ATF7IP2: variants seen among roughly 807,000 people sequenced by gnomAD.
ATF7IP2 encodes the protein activating transcription factor 7 interacting protein 2, also known as activating transcription factor 7-interacting protein 2.
A neutral mutation model predicts 64.2 loss-of-function variants in ATF7IP2; 42 were observed. The observed-to-expected ratio is 0.65, with a 90% CI of 0.51 to 0.85. ATF7IP2 has a LOEUF of 0.85. ATF7IP2 is among the 40% of genes least tolerant of loss of function. The probability of loss-of-function intolerance (pLI) is 0.00; values close to 1 mark genes in which losing one functional copy is unlikely to be tolerated. For missense variants in ATF7IP2, 933 were observed against 784.2 expected, an observed-to-expected ratio of 1.19 and a Z score of -2.27; for synonymous variants, 308 against 272.8, an observed-to-expected ratio of 1.13 and a Z score of -1.27.
chr16:10,475,420 G>T (rs555971356), intron 12 of ATF7IP2, among the ~76,000 whole-genome samples: 1 of 152,076 alleles, frequency 6.6e-6, no homozygotes, highest in Admixed American at 6.5e-5. Context: ...GGCTGGGCGC[G>T]GTGGCTCACG....
intron 12 of ATF7IP2, among the ~76,000 whole-genome samples, 155 bp downstream of exon 12, chr16:10,474,144 TGCC>T (rs1291993337): frequency 6.6e-6 from 1 of 152,220 alleles, no homozygotes; most frequent in Non-Finnish European, 1.5e-5. Context: ...TTCATGTAAC[TGCC>T]GTCACAGTGA....
At chr16:10,416,840 A>G (rs778235525) in intron 2 of ATF7IP2, among the ~76,000 whole-genome samples, 1 of 152,218 alleles carries the variant, frequency 6.6e-6, no homozygotes, top group Non-Finnish European at 1.5e-5. Context: ...TTAACCTAGT[A>G]TTTAATTGCA....
intron 12 of ATF7IP2, among the ~76,000 whole-genome samples, chr16:10,477,857 T>C (rs913292909): frequency 6.6e-6 from 1 of 151,264 alleles, no homozygotes; most frequent in Non-Finnish European, 1.5e-5. Context: ...TATACACCAA[T>C]AACAGACAAA....
At chr16:10,390,968 G>A (rs1376130810) in intron 1 of ATF7IP2, among the ~76,000 whole-genome samples, 1 of 152,114 alleles carries the variant, frequency 6.6e-6, no homozygotes, top group East Asian at 1.9e-4. Context: ...TTTGAAGCCA[G>A]CCTGGGCAGC....
Position 10,479,658 on chromosome 16 carries a change from TAAAAA to T in ATF7IP2, c.1550-1214_1550-1210del, listed in dbSNP as rs540503599. On this transcript the variant is annotated intron_variant, in intron 12 of 13. Coordinates refer to ENST00000562102, the MANE Select transcript of ATF7IP2 (RefSeq NM_001393719.1). ...CTAAAACTTAAAGTATAATAATAAT[TAAAAA>T]AAAAAAGTGGGCAAAGGACATGAGC... 1.7e-3 allele frequency among the ~76,000 whole-genome samples: 237 copies of T among 142,440 alleles called. 1 individual carries two copies. The highest frequency in any genetic ancestry group is 3.6e-3 in the Middle Eastern group (1 of 280). 93.4% of individuals were successfully genotyped at this position (142,440 alleles called of 152,430 possible). A position where few individuals can be genotyped will look rare whatever the true frequency, so the allele number is the denominator to read the frequency against.
At chr16:10,438,435 T>TA in intron 7 of ATF7IP2, among the ~76,000 whole-genome samples, 200 bp downstream of exon 7, 1 of 151,050 alleles carries the variant, frequency 6.6e-6, no homozygotes, top group Non-Finnish European at 1.5e-5. Flanking sequence ...TTTTTTTTTT[T>TA]AGAGATGAGG....
intron 1 of ATF7IP2, among the ~76,000 whole-genome samples, chr16:10,391,580 A>G (rs1448443495): frequency 5.3e-5 from 8 of 152,186 alleles, no homozygotes; most frequent in African/African-American, 1.9e-4. Flanking sequence ...AATGATCAAG[A>G]AAAAGAGAAA....
chr16:10,393,145 A>C (rs888086013), intron 1 of ATF7IP2, among the ~76,000 whole-genome samples: 1 of 151,800 alleles, frequency 6.6e-6, no homozygotes, highest in Non-Finnish European at 1.5e-5. Context: ...CCCCCTCTCT[A>C]CTAAAAATAC....
chr16:10,472,468 G>T (rs1388144737), intron 10 of ATF7IP2, among the ~76,000 whole-genome samples: 1 of 151,666 alleles, frequency 6.6e-6, no homozygotes, highest in East Asian at 1.9e-4. Context: ...TTAATGGTTT[G>T]CCCTGGCCTT....
intron 9 of ATF7IP2, among the ~76,000 whole-genome samples, chr16:10,461,173 AC>A (rs761916440): frequency 1.3e-5 from 2 of 152,158 alleles, no homozygotes; most frequent in Non-Finnish European, 2.9e-5. Flanking sequence ...AGGAAAAAAT[AC>A]ATTTAAAAAT....
At chr16:10,438,345 A>C in intron 7 of ATF7IP2, 110 bp downstream of exon 7, 1 of 1,154,938 alleles carries the variant, frequency 8.7e-7, no homozygotes, top group Non-Finnish European at 1.2e-6. Context: ...TCTGAGCTCA[A>C]GCAATCCTAC....
rs73512968 is a variant in ATF7IP2 at position 10,400,013 on chromosome 16, G to A, written c.-242+13891G>A. Among the ~76,000 whole-genome samples, 1,310 of 152,192 alleles carry A rather than the reference G, an allele frequency of 8.6e-3. 15 individuals are homozygous for A. Among genetic ancestry groups the A allele is most frequent in the African/African-American group, 0.029 (1,201 of 41,524 alleles). Reference sequence around the variant, plus strand: ...TTGATTGTTATTGGTGTATAGAAATGCTACACATTTTAATTTGTTGATTAT... The same window carrying A: ...TTGATTGTTATTGGTGTATAGAAATACTACACATTTTAATTTGTTGATTAT... On this transcript the variant is annotated intron_variant, in intron 1 of 13. Transcript: ENST00000562102.
At chr16:10,422,824 C>G (rs1310495378) in intron 3 of ATF7IP2, among the ~76,000 whole-genome samples, 2 of 152,234 alleles carry the variant, frequency 1.3e-5, no homozygotes, top group Non-Finnish European at 2.9e-5. Flanking sequence ...ACATATGGCA[C>G]AATCAGGAGC....
chr16:10,474,873 G>A (rs1224328175), intron 12 of ATF7IP2, among the ~76,000 whole-genome samples: 2 of 152,086 alleles, frequency 1.3e-5, no homozygotes, highest in African/African-American at 2.4e-5. Flanking sequence ...AAAGGTTGGG[G>A]GAAAATAACT....
chr16:10,469,343 C>A (rs1301690749), intron 9 of ATF7IP2, among the ~76,000 whole-genome samples: 1 of 152,048 alleles, frequency 6.6e-6, no homozygotes, highest in African/African-American at 2.4e-5. Flanking sequence ...CAGTCTAATA[C>A]ACATTATTGG....
Position 10,466,535 on chromosome 16 carries a change from G to C in ATF7IP2, c.1353-5575G>C, listed in dbSNP as rs558902166. Among the ~76,000 whole-genome samples, 21 of 152,150 alleles carry C rather than the reference G, an allele frequency of 1.4e-4. 1 individual carries two copies. In the South Asian group the frequency reaches 2.5e-3, roughly 18 times the overall value. ...TACTGCGTATCCTTGCCAACTCTTGGTGGTATCTCTTTCTTTTTAGCCATA... is the reference window on the plus strand; with the variant it reads ...TACTGCGTATCCTTGCCAACTCTTGCTGGTATCTCTTTCTTTTTAGCCATA... On this transcript the variant is annotated intron_variant, in intron 9 of 13. Transcript: ENST00000562102.
intron 12 of ATF7IP2, among the ~76,000 whole-genome samples, chr16:10,478,998 A>G (rs1305422148): frequency 6.6e-6 from 1 of 151,472 alleles, no homozygotes; most frequent in Non-Finnish European, 1.5e-5. Flanking sequence ...AAGTCAGGAA[A>G]CAACAGGTGC....
chr16:10,451,389 G>A (rs1278835650), intron 8 of ATF7IP2, among the ~76,000 whole-genome samples: 1 of 152,124 alleles, frequency 6.6e-6, no homozygotes, highest in East Asian at 1.9e-4. Context: ...AAGTTCTCCT[G>A]GATAATATCC....
Position 10,473,441 on chromosome 16 carries a change from T to C in ATF7IP2, c.1427-38T>C, listed in dbSNP as rs990394977. ...TCATATTTCACAAAGCCCATAAATA[T>C]TGTGTAATAAATTTGTCAAATGTCT... On this transcript the variant is annotated intron_variant, in intron 10 of 13. Coordinates refer to ENST00000562102, the MANE Select transcript of ATF7IP2 (RefSeq NM_001393719.1). 4.8e-6 allele frequency: 6 copies of C among 1,247,264 alleles called. No individual in the cohort carries two copies. The African/African-American group carries it at 6.0e-5, about 12-fold the overall frequency. 77.3% of individuals were successfully genotyped at this position (1,247,264 alleles called of 1,614,324 possible).
Sources: gnomAD v4.1 joint callset for allele counts (sites outside exome capture counted in the v4.1 genomes callset) on GRCh38, gnomAD v4.1.1 for gene constraint, MANE v1.5 for transcripts, NCBI Gene and HGNC (gene_info 2026-07-23, HGNC 2026-07-21) for gene names.